The following ATL3 variants were observed in gnomAD, a reference collection of about 807,000 sequenced individuals.
The protein encoded by ATL3 is atlastin-3.
Under a neutral mutation model 69.5 loss-of-function variants are expected in ATL3, and 49 were observed. The ratio of observed to expected loss-of-function variants is 0.71; its 90% confidence interval spans 0.56 to 0.89. ATL3 has a LOEUF of 0.89. ATL3 is among the 40% of genes least tolerant of loss of function. ATL3 has a pLI of 0.00. For missense variants in ATL3, 606 were observed against 645.7 expected, an observed-to-expected ratio of 0.94 and a Z score of 0.67; for synonymous variants, 214 against 224.1, an observed-to-expected ratio of 0.95 and a Z score of 0.40.
Position 63,627,430 on chromosome 11 carries a change from A to T in ATL3, c.*1889T>A, listed in dbSNP as rs1161670218. 6.6e-6 allele frequency: 1 copy of T among 152,234 alleles called. No homozygotes were observed. The highest frequency in any genetic ancestry group is 1.5e-5 in the Non-Finnish European group (1 of 68,024). 9.4% of individuals were successfully genotyped at this position (152,234 alleles called of 1,614,324 possible). ...TATAAATATGAAACAATATGCTGCG[A>T]ATTTAGGACTTACAAAAATACTTCA... is the stretch of plus-strand genomic sequence containing the variant. On this transcript the variant is annotated 3_prime_UTR_variant, in exon 13 of 13. Transcript: ENST00000398868.
intron 1 of ATL3, among the ~76,000 whole-genome samples, chr11:63,665,467 C>T (rs1168872968): frequency 2.6e-5 from 4 of 152,138 alleles, no homozygotes; most frequent in Non-Finnish European, 5.9e-5. Context: ...CTTCCTCTCC[C>T]TGTAGCACGG....
Position 63,651,954 on chromosome 11 carries a change from A to G in ATL3, c.543T>C (p.Asp181=), listed in dbSNP as rs1281986089. The change falls in exon 5 of 13, where the codon GAT becomes GAC. Residue 181 remains aspartate (D), a synonymous_variant. Transcript: ENST00000398868. The part of the protein sequence containing the change: ...IYNLSQNIQE[D]DLQQLQLFTE... ...TATATACCTGCAGCTGTTGAAGATC[A>G]TCTTCTTGAATGTTCTGAGATAAAT... 6.2e-7 allele frequency: 1 copy of G among 1,600,674 alleles called. No individual in the cohort carries two copies. The highest frequency in any genetic ancestry group is 1.3e-5 in the African/African-American group (1 of 74,094).
intron 8 of ATL3, among the ~76,000 whole-genome samples, chr11:63,638,531 C>G (rs1446346341): frequency 1.3e-5 from 2 of 152,060 alleles, no homozygotes; most frequent in Admixed American, 1.3e-4. Flanking sequence ...ATGGTGAAAC[C>G]CCGTTTCTAC....
At chr11:63,637,724 GAA>G (rs1252615231) in intron 8 of ATL3, 2 of 151,966 alleles carry the variant, frequency 1.3e-5, no homozygotes, top group Non-Finnish European at 2.9e-5. Context: ...GCTATACACT[GAA>G]AAAAAGCAGG....
chr11:63,657,517 A>G (rs12285282), intron 3 of ATL3, among the ~76,000 whole-genome samples: 1,819 of 152,334 alleles, frequency 0.012, 42 homozygotes, highest in African/African-American at 0.042. Flanking sequence ...TACAGGAGTA[A>G]GGAAGTAAAG....
rs777811140 is a variant in ATL3 at position 63,631,297 on chromosome 11, A to G, written c.1282T>C (p.Phe428Leu). The change falls in exon 12 of 13, where the codon TTC becomes CTC. Residue 428 changes from phenylalanine (F) to leucine (L), a missense_variant. Physicochemically the swap from Phe to Leu is conservative, Grantham distance 22. Transcript: ENST00000398868. ...TTCTTGCTACCATTGTGCTTGCAGA[A>G]GTTCTCATATAATTCCTTGATTTCC... ...EEEIKELYENFCKHNGSKNVF... is the reference protein window; with the variant it reads ...EEEIKELYENLCKHNGSKNVF... The G allele has an allele frequency of 6.2e-7, 1 of 1,614,212 alleles. No homozygotes were observed. The highest frequency in any genetic ancestry group is 1.1e-5 in the South Asian group (1 of 91,086).
rs185305006 is a variant in ATL3 at position 63,654,391 on chromosome 11, C to T, written c.406-1816G>A. ...CGATCTCCTGACCTCATGATCCGCCCGCCTCAGCCTCCCACAGTGCTGGGA... is the reference window on the plus strand; with the variant it reads ...CGATCTCCTGACCTCATGATCCGCCTGCCTCAGCCTCCCACAGTGCTGGGA... On this transcript the variant is annotated intron_variant, in intron 3 of 12. Coordinates refer to ENST00000398868, the MANE Select transcript of ATL3 (RefSeq NM_015459.5). Among the ~76,000 whole-genome samples the T allele has an allele frequency of 2.7e-3, 410 of 151,852 alleles. 1 individual carries two copies. The highest frequency in any genetic ancestry group is 9.4e-3 in the African/African-American group (389 of 41,378).
chr11:63,643,975 T>C (rs12270678), intron 7 of ATL3, among the ~76,000 whole-genome samples, 194 bp downstream of exon 7: 1,818 of 152,362 alleles, frequency 0.012, 41 homozygotes, highest in African/African-American at 0.042. Flanking sequence ...AGTTTTCTTC[T>C]ACAGTTCCTG....
intron 8 of ATL3, among the ~76,000 whole-genome samples, chr11:63,639,663 G>A (rs1939627125): frequency 6.6e-6 from 1 of 152,088 alleles, no homozygotes; most frequent in Non-Finnish European, 1.5e-5. Context: ...GCTAAGGTGG[G>A]AGGATTGCTT....
chr11:63,668,158 G>A (rs1940636467), intron 1 of ATL3, among the ~76,000 whole-genome samples: 1 of 152,190 alleles, frequency 6.6e-6, no homozygotes, highest in African/African-American at 2.4e-5. Flanking sequence ...GAGTTTTCCA[G>A]TCTCCTTATA....
At chr11:63,638,027 T>G (rs1253927217) in intron 8 of ATL3, among the ~76,000 whole-genome samples, 1 of 152,164 alleles carries the variant, frequency 6.6e-6, no homozygotes, top group Admixed American at 6.6e-5. Context: ...AAAACCTTTT[T>G]GTATGGTTTC....
chr11:63,630,389 T>C (rs1346032123), intron 12 of ATL3, among the ~76,000 whole-genome samples: 5 of 145,980 alleles, frequency 3.4e-5, no homozygotes, highest in Non-Finnish European at 6.0e-5. Flanking sequence ...ATCACACCAC[T>C]TCACTCCAGC....
intron 5 of ATL3, among the ~76,000 whole-genome samples, chr11:63,648,794 G>C (rs1374599622): frequency 1.3e-5 from 2 of 151,692 alleles, no homozygotes; most frequent in Non-Finnish European, 2.9e-5. Flanking sequence ...AGGCAGCAGA[G>C]TGAGACTCTG....
chr11:63,663,858 A>G (rs1249653762), intron 1 of ATL3, among the ~76,000 whole-genome samples: 1 of 152,170 alleles, frequency 6.6e-6, no homozygotes, highest in Non-Finnish European at 1.5e-5. Flanking sequence ...TCCAACCCAA[A>G]TTTATAGCTA....
At position 63,627,521 on chromosome 11, in the gene ATL3, A is replaced by G. The variant is rs1429179923; in HGVS notation, c.*1798T>C. On this transcript the variant is annotated 3_prime_UTR_variant, in exon 13 of 13. Coordinates refer to ENST00000398868, the MANE Select transcript of ATL3 (RefSeq NM_015459.5). ...ACATGCGAAAAGGGACTTTTTTTCT[A>G]CCTTCCATTCATACTTCATGTATGT... The G allele has an allele frequency of 6.6e-6, 1 of 152,182 alleles. No homozygotes were observed. Among genetic ancestry groups the G allele is most frequent in the Non-Finnish European group, 1.5e-5 (1 of 68,022 alleles). The allele number at this position is 152,182 out of a possible 1,614,324, so 9.4% of individuals were successfully genotyped here.
chr11:63,631,469 A>G lies in ATL3; in HGVS notation c.1110T>C (p.Val370=), dbSNP rs1427265261. Residue 370 remains valine (V), a splice_region_variant and synonymous_variant, in exon 12 of 13, where the codon GTT becomes GTC. Transcript: ENST00000398868. ...KDIYYNNMEE[V]CGGEKPYLSP... ...ACAAATAAGGTTTCTCTCCCCCACA[A>G]ACCTAAAAAGAACAAAGAAACAATA... 2 of 1,592,494 alleles carry G rather than the reference A, an allele frequency of 1.3e-6. No individual in the cohort carries two copies. Among genetic ancestry groups the G allele is most frequent in the East Asian group, 4.5e-5 (2 of 44,700 alleles).
intron 5 of ATL3, among the ~76,000 whole-genome samples, chr11:63,647,249 G>A (rs1939913818): frequency 6.6e-6 from 1 of 152,154 alleles, no homozygotes; most frequent in Non-Finnish European, 1.5e-5. Context: ...CCAGGCTGGA[G>A]CGTAATGGCG....
At chr11:63,665,205 C>G (rs1444788899) in intron 1 of ATL3, among the ~76,000 whole-genome samples, 3 of 151,974 alleles carry the variant, frequency 2.0e-5, no homozygotes, top group Non-Finnish European at 4.4e-5. Context: ...ATTAGCTGGG[C>G]GTGGTGGCAC....
chr11:63,646,420 A>T, intron 6 of ATL3, 87 bp downstream of exon 6: 1 of 734,268 alleles, frequency 1.4e-6, no homozygotes, highest in South Asian at 1.7e-5. Flanking sequence ...ACAGGTGGCA[A>T]GCTAGATTTG....
Sources: allele counts gnomAD v4.1 joint callset (sites outside exome capture counted in the v4.1 genomes callset), GRCh38; gene constraint gnomAD v4.1.1; transcripts MANE v1.5; gene names NCBI Gene and HGNC (gene_info 2026-07-23, HGNC 2026-07-21).